The following CTNNA2 variants were observed in gnomAD, a reference collection of about 807,000 sequenced individuals.
CTNNA2 encodes the protein catenin alpha-2.
A neutral mutation model predicts 101.0 loss-of-function variants in CTNNA2; 42 were observed. The ratio of observed to expected loss-of-function variants is 0.42; its 90% CI spans 0.32 to 0.54. CTNNA2 has a LOEUF of 0.54. Ranked by LOEUF, CTNNA2 falls within the 20% of genes least tolerant of loss-of-function variation. The pLI, the probability that CTNNA2 is intolerant of heterozygous loss-of-function variation, is 0.14. For synonymous variants in CTNNA2, 450 were observed against 456.4 expected (o/e 0.99, Z 0.18); for missense variants, 871 against 1,223.1 (o/e 0.71, Z 4.29).
chr2:79,906,326 A>G (rs1268035993), intron 6 of CTNNA2, among the ~76,000 whole-genome samples: 1 of 151,966 alleles, frequency 6.6e-6, no homozygotes, highest in Non-Finnish European at 1.5e-5. Context: ...ACACACCCAC[A>G]TGCAATCAGT....
chr2:80,449,667 G>A (rs1247106053), intron 9 of CTNNA2, among the ~76,000 whole-genome samples: 1 of 152,198 alleles, frequency 6.6e-6, no homozygotes, highest in African/African-American at 2.4e-5. Context: ...TAGAATGGCT[G>A]TGGAATTATC....
At chr2:79,648,474 A>G (rs781738637) in intron 1 of CTNNA2, among the ~76,000 whole-genome samples, 5 of 152,176 alleles carry the variant, frequency 3.3e-5, no homozygotes, top group African/African-American at 9.7e-5. Flanking sequence ...AAATGTTCCT[A>G]CTACAAGGTC....
rs559077456 is a variant in CTNNA2 at position 79,387,352 on chromosome 2, A to G, written c.-135+13339A>G. On this transcript the variant is annotated intron_variant, in intron 4 of 21. Transcript: ENST00000466387. ...TGCTCTTTTGTTGGTCTATTTACTA[A>G]GCTTTCTATTTCCAGATTAGCTCGT... is the stretch of plus-strand genomic sequence containing the variant. 1.2e-3 allele frequency among the ~76,000 whole-genome samples: 188 copies of G among 152,266 alleles called. 1 individual carries two copies. The South Asian group carries it at 0.021, about 17-fold the overall frequency.
intron 3 of CTNNA2, among the ~76,000 whole-genome samples, chr2:79,818,009 A>G (rs1677671013): frequency 6.6e-6 from 1 of 152,140 alleles, no homozygotes; most frequent in Non-Finnish European, 1.5e-5. Flanking sequence ...TTCAATTTTT[A>G]ATTTACTCGT....
intron 2 of CTNNA2, among the ~76,000 whole-genome samples, chr2:79,661,025 G>C (rs1329433324): frequency 6.6e-6 from 1 of 152,158 alleles, no homozygotes; most frequent in African/African-American, 2.4e-5. Context: ...CACTGTGTAT[G>C]ATGTAAATGT....
chr2:79,616,124 T>G (rs773993363), intron 1 of CTNNA2, among the ~76,000 whole-genome samples: 3 of 152,206 alleles, frequency 2.0e-5, no homozygotes, highest in Non-Finnish European at 4.4e-5. Flanking sequence ...ATCTGGCCAT[T>G]TGCAGAACAA....
At chr2:80,546,960 G>T (rs1692130792) in intron 11 of CTNNA2, among the ~76,000 whole-genome samples, 1 of 152,178 alleles carries the variant, frequency 6.6e-6, no homozygotes, top group Non-Finnish European at 1.5e-5. Flanking sequence ...ACTGACTCAG[G>T]CAGTACTAGC....
chr2:79,760,238 CCTTTT>C (rs762456420), intron 3 of CTNNA2, among the ~76,000 whole-genome samples: 118 of 151,952 alleles, frequency 7.8e-4, no homozygotes, highest in Non-Finnish European at 1.5e-3. Flanking sequence ...CTCAGAAAGG[CCTTTT>C]CTAACCCCTT....
At chr2:79,313,083 C>T (rs1558620875) in intron 3 of CTNNA2, among the ~76,000 whole-genome samples, 1 of 152,310 alleles carries the variant, frequency 6.6e-6, no homozygotes, top group African/African-American at 2.4e-5. Context: ...ACTTCAATGA[C>T]TTTGATTAAT....
At chr2:80,142,930 A>G (rs930136991) in intron 7 of CTNNA2, among the ~76,000 whole-genome samples, 3 of 145,982 alleles carry the variant, frequency 2.1e-5, no homozygotes, top group East Asian at 2.0e-4. Context: ...CCTCATAATG[A>G]TAAGTGGAAA....
chr2:80,382,904 T>A (rs907774937), intron 7 of CTNNA2, among the ~76,000 whole-genome samples: 2 of 152,226 alleles, frequency 1.3e-5, no homozygotes, highest in African/African-American at 4.8e-5. Context: ...GAAATTTAAA[T>A]TATTTATTCA....
chr2:79,640,050 C>T (rs1437915684), intron 1 of CTNNA2, among the ~76,000 whole-genome samples: 2 of 151,982 alleles, frequency 1.3e-5, no homozygotes, highest in Admixed American at 1.3e-4. Context: ...CACTGCTAAT[C>T]ATTGTGAAAG....
At chr2:80,513,817 A>T (rs1688897072) in intron 9 of CTNNA2, among the ~76,000 whole-genome samples, 1 of 152,210 alleles carries the variant, frequency 6.6e-6, no homozygotes, top group South Asian at 2.1e-4. Flanking sequence ...ATCTTAGCAG[A>T]ACTAGTGATA....
intron 7 of CTNNA2, among the ~76,000 whole-genome samples, chr2:80,336,204 C>T (rs140134274): frequency 4.6e-5 from 7 of 152,210 alleles, no homozygotes; most frequent in Middle Eastern, 3.4e-3. Flanking sequence ...GGTGAGGGTT[C>T]GTTCCTCATA....
chr2:80,506,389 G>T (rs1022752265), intron 9 of CTNNA2, among the ~76,000 whole-genome samples: 5 of 152,242 alleles, frequency 3.3e-5, no homozygotes, highest in African/African-American at 1.2e-4. Flanking sequence ...TAATGTTAGT[G>T]GGGGACTTCA....
chr2:79,874,745 T>C (rs1333259913), intron 6 of CTNNA2, among the ~76,000 whole-genome samples: 1 of 152,012 alleles, frequency 6.6e-6, no homozygotes, highest in Non-Finnish European at 1.5e-5. Context: ...GAGGCGGAGA[T>C]TGCGGTGAGC....
intron 7 of CTNNA2, among the ~76,000 whole-genome samples, chr2:80,318,739 T>C (rs1395348779): frequency 6.6e-6 from 1 of 152,218 alleles, no homozygotes; most frequent in Non-Finnish European, 1.5e-5. Context: ...AAAAACAAAC[T>C]ATTGAAAAAT....
chr2:79,445,989 C>T (rs889270142), intron 4 of CTNNA2, among the ~76,000 whole-genome samples: 1 of 152,058 alleles, frequency 6.6e-6, no homozygotes. Flanking sequence ...GAAGTCCCGA[C>T]ATATGTCATT....
At chr2:79,366,532 C>A (rs1677755245) in intron 3 of CTNNA2, among the ~76,000 whole-genome samples, 1 of 152,264 alleles carries the variant, frequency 6.6e-6, no homozygotes, top group Non-Finnish European at 1.5e-5. Flanking sequence ...GCAGAGTTTA[C>A]AACCCTTGTT....
Sources: gnomAD v4.1 joint callset for allele counts (sites outside exome capture counted in the v4.1 genomes callset) on GRCh38, gnomAD v4.1.1 for gene constraint, MANE v1.5 for transcripts, NCBI Gene and HGNC (gene_info 2026-07-23, HGNC 2026-07-21) for gene names.